TSPAN7: variants seen among roughly 807,000 people sequenced by gnomAD.
TSPAN7 encodes tetraspanin 7, also known as tetraspanin-7.
TSPAN7 carries 1 observed loss-of-function variant against 17.6 expected under a neutral mutation model. The ratio of observed to expected loss-of-function variants is 0.06; its 90% CI spans 0.02 to 0.27. The LOEUF (loss-of-function observed/expected upper bound fraction) is 0.27, where lower values mean the gene tolerates loss of function less well. TSPAN7 is among the 10% of genes least tolerant of loss of function. TSPAN7 has a pLI of 1.00. For synonymous variants in TSPAN7, 78 were observed against 79.0 expected, an observed-to-expected ratio of 0.99 and a Z score of 0.07; for missense variants, 112 against 201.7, an observed-to-expected ratio of 0.56 and a Z score of 2.69.
At chrX:38,632,907 G>C (rs1045865684) in intron 1 of TSPAN7, among the ~76,000 whole-genome samples, 2 of 111,960 alleles carry the variant, frequency 1.8e-5, no homozygotes, top group African/African-American at 6.5e-5. Context: ...GAAGACCAGA[G>C]GTTATCTGGT....
intron 1 of TSPAN7, among the ~76,000 whole-genome samples, chrX:38,639,506 G>A (rs764218424): frequency 9.0e-5 from 9 of 99,847 alleles, no homozygotes; most frequent in East Asian, 6.2e-4. Flanking sequence ...ATTCTATCTC[G>A]TAGGCCCTAG....
At chrX:38,564,797 A>G (rs2069133248) in intron 1 of TSPAN7, among the ~76,000 whole-genome samples, 1 of 111,885 alleles carries the variant, frequency 8.9e-6, no homozygotes, top group Non-Finnish European at 1.9e-5. Context: ...ATTTATTCAT[A>G]TCTTTTGACC....
chrX:38,578,931 C>T (rs1210827525), intron 1 of TSPAN7, among the ~76,000 whole-genome samples: 1 of 110,143 alleles, frequency 9.1e-6, no homozygotes, highest in African/African-American at 3.3e-5. Flanking sequence ...TGTATATGTA[C>T]ACACATATAC....
chrX:38,636,971 A>G (rs2069584366), intron 1 of TSPAN7, among the ~76,000 whole-genome samples: 1 of 112,584 alleles, frequency 8.9e-6, no homozygotes, highest in Non-Finnish European at 1.9e-5. Context: ...CTTTTTGTCC[A>G]TAATTTCTCT....
intron 1 of TSPAN7, among the ~76,000 whole-genome samples, chrX:38,595,486 A>T (rs1281966277): frequency 8.9e-6 from 1 of 112,263 alleles, no homozygotes; most frequent in African/African-American, 3.2e-5. Flanking sequence ...TTGAAGTATA[A>T]TTATCTGCAT....
chrX:38,569,186 A>G (rs182667187), intron 1 of TSPAN7, among the ~76,000 whole-genome samples: 126 of 110,846 alleles, frequency 1.1e-3, no homozygotes, highest in South Asian at 3.1e-3. Context: ...TATCAATTGT[A>G]ATTTGGGTGA....
At chrX:38,608,848 A>G (rs2069400882) in intron 1 of TSPAN7, among the ~76,000 whole-genome samples, 1 of 111,193 alleles carries the variant, frequency 9.0e-6, no homozygotes, top group Admixed American at 9.6e-5. Flanking sequence ...TAACTTAACC[A>G]CCTTTTCCTG....
At chrX:38,604,027 C>A (rs1282422887) in intron 1 of TSPAN7, among the ~76,000 whole-genome samples, 2 of 62,087 alleles carry the variant, frequency 3.2e-5, no homozygotes, top group African/African-American at 1.3e-4. Context: ...CCCCCCTCCC[C>A]CCACCCCACA....
In TSPAN7 at chrX:38,675,896, GT is replaced by G. The variant is rs756757247; in HGVS notation, c.597+37del. 4 of 1,199,826 alleles carry G rather than the reference GT, an allele frequency of 3.3e-6. No homozygotes were observed. In the South Asian group the frequency reaches 7.1e-5, roughly 21 times the overall value. ...TCTCCTGGCCCAGATGGGACCAGTG[GT>G]GAATGTTTGGGGGGGCTTTTTTATT... On this transcript the variant is annotated intron_variant, in intron 5 of 7. Transcript: ENST00000378482.
intron 1 of TSPAN7, among the ~76,000 whole-genome samples, chrX:38,619,291 G>A (rs763159451): frequency 2.7e-5 from 3 of 111,164 alleles, no homozygotes; most frequent in African/African-American, 6.5e-5. Context: ...TGCTGCCCTT[G>A]TTGCATTCGC....
intron 1 of TSPAN7, among the ~76,000 whole-genome samples, chrX:38,599,567 TG>T (rs771552379): frequency 9.0e-6 from 1 of 111,218 alleles, no homozygotes; most frequent in African/African-American, 3.3e-5. Context: ...GAGAAAATAA[TG>T]GGAAAATCAC....
chrX:38,613,513 G>A (rs1313307149), intron 1 of TSPAN7, among the ~76,000 whole-genome samples: 1 of 111,330 alleles, frequency 9.0e-6, no homozygotes, highest in Non-Finnish European at 1.9e-5. Context: ...GATCTGGGTT[G>A]GGCATTTGTT....
intron 1 of TSPAN7, among the ~76,000 whole-genome samples, chrX:38,660,432 C>G (rs143874606): frequency 0.024 from 2,639 of 111,613 alleles, 61 homozygotes; most frequent in African/African-American, 0.08. Flanking sequence ...CCTCTTTGTC[C>G]CCTTGGCACA....
intron 1 of TSPAN7, among the ~76,000 whole-genome samples, chrX:38,653,347 G>A (rs372490072): frequency 8.1e-5 from 9 of 111,391 alleles, no homozygotes; most frequent in Non-Finnish European, 1.3e-4. Flanking sequence ...GCCTTATCTC[G>A]TGACTCAGCC....
chrX:38,565,707 C>T (rs746437021), intron 1 of TSPAN7, among the ~76,000 whole-genome samples: 6 of 112,284 alleles, frequency 5.3e-5, no homozygotes, highest in Admixed American at 1.9e-4. Flanking sequence ...GGTTGACATA[C>T]TTGAGCATAT....
chrX:38,574,466 C>T (rs2069184185), intron 1 of TSPAN7, among the ~76,000 whole-genome samples: 1 of 111,316 alleles, frequency 9.0e-6, no homozygotes, highest in African/African-American at 3.3e-5. Flanking sequence ...ATTTCATTCA[C>T]AGCAGCAACA....
At chrX:38,637,292 T>C (rs193103191) in intron 1 of TSPAN7, among the ~76,000 whole-genome samples, 3 of 112,287 alleles carry the variant, frequency 2.7e-5, no homozygotes, top group African/African-American at 9.7e-5. Context: ...AATACAGTTA[T>C]TCTGATGTTG....
At chrX:38,601,856 G>A (rs1033770793) in intron 1 of TSPAN7, among the ~76,000 whole-genome samples, 1 of 111,562 alleles carries the variant, frequency 9.0e-6, no homozygotes, top group African/African-American at 3.3e-5. Flanking sequence ...TAGCTGGGGT[G>A]GCACACTACA....
At position 38,675,912 on chromosome X, in the gene TSPAN7, G is replaced by C. The variant is rs748955820; in HGVS notation, c.597+52G>C. 1.6e-5 allele frequency: 18 copies of C among 1,156,059 alleles called. No homozygotes were observed. The East Asian group carries it at 3.6e-4, about 23-fold the overall frequency. ...GGACCAGTGGTGAATGTTTGGGGGG[G>C]CTTTTTTATTTCCATGAAATTATGA... On this transcript the variant is annotated intron_variant, in intron 5 of 7. Transcript: ENST00000378482.
Sources: allele counts gnomAD v4.1 joint callset (sites outside exome capture counted in the v4.1 genomes callset), GRCh38; gene constraint gnomAD v4.1.1; transcripts MANE v1.5; gene names NCBI Gene and HGNC (gene_info 2026-07-23, HGNC 2026-07-21).